Variants in CYP2C18 observed in about 807,000 individuals in gnomAD.
CYP2C18 encodes cytochrome P450 2C18.
A neutral mutation model predicts 41.3 loss-of-function variants in CYP2C18; 38 were observed. The ratio of observed to expected loss-of-function variants is 0.92; its 90% CI spans 0.71 to 1.21. The LOEUF is 1.21. CYP2C18 is among the 50% of genes most tolerant of loss of function. The pLI, the probability that CYP2C18 is intolerant of heterozygous loss-of-function variation, is 0.00. For missense variants in CYP2C18, 635 were observed against 591.4 expected (o/e 1.07, Z -0.77); for synonymous variants, 236 against 210.0 (o/e 1.12, Z -1.07).
intron 7 of CYP2C18, among the ~76,000 whole-genome samples, chr10:94,725,137 GA>G (rs1249785167): frequency 1.3e-5 from 2 of 149,190 alleles, no homozygotes; most frequent in Non-Finnish European, 3.0e-5. Context: ...TTTCAAAACA[GA>G]GTCTTGCTAT....
chr10:94,728,294 C>T (rs535726119), intron 7 of CYP2C18, among the ~76,000 whole-genome samples: 2 of 152,008 alleles, frequency 1.3e-5, no homozygotes, highest in Non-Finnish European at 2.9e-5. Context: ...ATGTTATATA[C>T]GTGCCATTGC....
chr10:94,695,087 A>G lies in CYP2C18; in HGVS notation c.642+10A>G. The G allele has an allele frequency of 6.3e-7, 1 of 1,591,612 alleles. No homozygotes were observed. The highest frequency in any genetic ancestry group is 8.5e-7 in the Non-Finnish European group (1 of 1,173,924). ...CTCTCCATGGATCCAGGTGAGATCA[A>G]GAGCTTCTCTTCCTGAGATATTATT... On this transcript the variant is annotated intron_variant, in intron 4 of 8. Transcript: ENST00000285979.
intron 1 of CYP2C18, among the ~76,000 whole-genome samples, chr10:94,686,046 TTG>T (rs1007286766): frequency 6.6e-6 from 1 of 152,146 alleles, no homozygotes; most frequent in Non-Finnish European, 1.5e-5. Flanking sequence ...TTGCCTTTAT[TTG>T]TGTCATCTTC....
At chr10:94,730,702 A>G (rs971190054) in intron 7 of CYP2C18, among the ~76,000 whole-genome samples, 5 of 152,174 alleles carry the variant, frequency 3.3e-5, no homozygotes, top group African/African-American at 1.2e-4. Context: ...AGGAAGAAAG[A>G]AAACGTATTC....
chr10:94,712,388 C>A (rs556125148), intron 5 of CYP2C18, among the ~76,000 whole-genome samples: 1 of 151,740 alleles, frequency 6.6e-6, no homozygotes, highest in Non-Finnish European at 1.5e-5. Flanking sequence ...ATTCTACTCT[C>A]TTCTATGAGT....
At position 94,735,785 on chromosome 10, in the gene CYP2C18, T is replaced by C. The variant is rs2134214213; in HGVS notation, c.*341T>C. On this transcript the variant is annotated 3_prime_UTR_variant, in exon 9 of 9. Transcript: ENST00000285979. ...TCAGAGCCATTTATTCTCTGCATGC[T>C]CTAGATAAAAATGATTATTATTTAC... is the stretch of plus-strand genomic sequence containing the variant. 4.6e-6 allele frequency: 1 copy of C among 215,442 alleles called. No individual in the cohort carries two copies. Among genetic ancestry groups the C allele is most frequent in the East Asian group, 1.0e-4 (1 of 9,794 alleles). 13.3% of individuals were successfully genotyped at this position (215,442 alleles called of 1,614,324 possible). A position where few individuals can be genotyped will look rare whatever the true frequency, so the allele number is the denominator to read the frequency against.
chr10:94,690,872 A>C (rs1222915121), intron 3 of CYP2C18, among the ~76,000 whole-genome samples: 4 of 152,228 alleles, frequency 2.6e-5, no homozygotes, highest in African/African-American at 9.6e-5. Context: ...GGTCCAACAT[A>C]TGAAAATCAA....
At chr10:94,733,558 C>A (rs905848261) in intron 8 of CYP2C18, 120 bp downstream of exon 8, 11 of 1,530,426 alleles carry the variant, frequency 7.2e-6, no homozygotes, top group Admixed American at 3.8e-5. Flanking sequence ...TCATTAGCAC[C>A]ATTCCCTATG....
chr10:94,716,055 C>A (rs537483244), intron 5 of CYP2C18, among the ~76,000 whole-genome samples: 1 of 152,028 alleles, frequency 6.6e-6, no homozygotes, highest in Non-Finnish European at 1.5e-5. Context: ...TTTATTGCAT[C>A]TATTTGATTT....
chr10:94,709,787 G>A (rs1013237036), intron 5 of CYP2C18, among the ~76,000 whole-genome samples: 3 of 152,054 alleles, frequency 2.0e-5, no homozygotes, highest in South Asian at 4.1e-4. Flanking sequence ...TATAGTGTGA[G>A]GTATGGGTAC....
At chr10:94,688,360 T>C in intron 3 of CYP2C18, 86 bp downstream of exon 3, 1 of 1,451,566 alleles carries the variant, frequency 6.9e-7, no homozygotes, top group South Asian at 1.4e-5. Context: ...TTTATGCATA[T>C]TTATGGGGTA....
intron 5 of CYP2C18, among the ~76,000 whole-genome samples, chr10:94,717,794 A>G (rs898229529): frequency 5.3e-5 from 8 of 151,914 alleles, no homozygotes; most frequent in African/African-American, 1.7e-4. Flanking sequence ...GCTCTCTGTT[A>G]TATTCTGTTG....
At chr10:94,688,353 A>AGCGC in intron 3 of CYP2C18, 79 bp downstream of exon 3, 2 of 1,466,538 alleles carry the variant, frequency 1.4e-6, no homozygotes, top group Non-Finnish European at 1.8e-6. Flanking sequence ...CATAACTTTT[A>AGCGC]TGCATATTTA....
chr10:94,711,127 CCA>C (rs1473994329), intron 5 of CYP2C18, among the ~76,000 whole-genome samples: 1 of 152,176 alleles, frequency 6.6e-6, no homozygotes, highest in Non-Finnish European at 1.5e-5. Flanking sequence ...CTAAGCATCT[CCA>C]TTGCCCTTAC....
intron 3 of CYP2C18, among the ~76,000 whole-genome samples, chr10:94,691,191 G>A (rs1343154304): frequency 5.9e-5 from 9 of 152,020 alleles, no homozygotes; most frequent in Non-Finnish European, 1.3e-4. Context: ...GGCAGGAGAA[G>A]GAAATAAAGG....
At chr10:94,693,553 C>T (rs992263040) in intron 3 of CYP2C18, among the ~76,000 whole-genome samples, 1 of 152,172 alleles carries the variant, frequency 6.6e-6, no homozygotes, top group Non-Finnish European at 1.5e-5. Flanking sequence ...TTCACTACAT[C>T]ATGTTCATAT....
chr10:94,689,704 A>T (rs1261564023), intron 3 of CYP2C18, among the ~76,000 whole-genome samples: 1 of 152,176 alleles, frequency 6.6e-6, no homozygotes, highest in African/African-American at 2.4e-5. Flanking sequence ...ATATTAGAGA[A>T]TATTGACAAG....
chr10:94,727,918 C>T (rs1006871477), intron 7 of CYP2C18, among the ~76,000 whole-genome samples: 1 of 152,098 alleles, frequency 6.6e-6, no homozygotes, highest in Non-Finnish European at 1.5e-5. Flanking sequence ...TTCCCAAAAA[C>T]AAGGACTTTC....
intron 4 of CYP2C18, among the ~76,000 whole-genome samples, chr10:94,703,358 C>CT (rs1339927641): frequency 6.6e-6 from 1 of 152,208 alleles, no homozygotes; most frequent in Non-Finnish European, 1.5e-5. Flanking sequence ...TCCAGGTGCT[C>CT]TGTCCTAGGA....
Sources: gnomAD v4.1 joint callset for allele counts (sites outside exome capture counted in the v4.1 genomes callset) on GRCh38, gnomAD v4.1.1 for gene constraint, MANE v1.5 for transcripts, NCBI Gene and HGNC (gene_info 2026-07-23, HGNC 2026-07-21) for gene names.